The following SFRP4 variants were observed in gnomAD, a reference collection of about 807,000 sequenced individuals.
The protein encoded by SFRP4 is secreted frizzled-related protein 4.
SFRP4 carries 25 observed loss-of-function variants against 36.3 expected under a neutral mutation model. The ratio of observed to expected loss-of-function variants is 0.69; its 90% CI spans 0.50 to 0.96. The LOEUF is 0.96. Among genes scored for constraint, SFRP4 ranks in the 40% least tolerant of loss-of-function variants. The pLI is 0.00. For missense variants in SFRP4, 487 were observed against 459.6 expected (o/e 1.06, Z -0.54); for synonymous variants, 182 against 168.8 (o/e 1.08, Z -0.60).
chr7:37,912,069 A>G, intron 4 of SFRP4, 50 bp downstream of exon 4: 1 of 1,362,796 alleles, frequency 7.3e-7, no homozygotes, highest in East Asian at 2.3e-5. Context: ...ACTGAGATTG[A>G]GGTCTTCCTA....
Position 37,909,622 on chromosome 7 carries a change from A to T in SFRP4, c.850T>A (p.Ser284Thr). 6.4e-7 allele frequency: 1 copy of T among 1,560,458 alleles called. No homozygotes were observed. Among genetic ancestry groups the T allele is most frequent in the African/African-American group, 1.4e-5 (1 of 73,024 alleles). ...GCATTGTTCATGATACTTACTATGGATCTTTTACTAAGCTGATCTCTCCAT... is the reference window on the plus strand; with the variant it reads ...GCATTGTTCATGATACTTACTATGGTTCTTTTACTAAGCTGATCTCTCCAT... ...EKWRDQLSKR[S>T]IQWEERLQEQ... Residue 284 changes from serine (S) to threonine (T), a missense_variant, in exon 5 of 6, where the codon TCC (serine) becomes ACC (threonine). By Grantham distance (58) the Ser-to-Thr change is moderately conservative. Transcript: ENST00000436072.
In SFRP4 at chr7:37,905,979, T is replaced by G. The variant is rs1395645283; in HGVS notation, c.*1500A>C. 6.6e-6 allele frequency: 1 copy of G among 152,208 alleles called. No individual in the cohort carries two copies. Among genetic ancestry groups the G allele is most frequent in the Non-Finnish European group, 1.5e-5 (1 of 68,028 alleles). 9.4% of individuals were successfully genotyped at this position (152,208 alleles called of 1,614,324 possible). On this transcript the variant is annotated 3_prime_UTR_variant, in exon 6 of 6. Coordinates refer to ENST00000436072, the MANE Select transcript of SFRP4 (RefSeq NM_003014.4). ...CAGTATTGTCAGTGAAGAAACCACC[T>G]AAGTATCCAATAGCACAACAGTTTG...
At position 37,907,153 on chromosome 7, in the gene SFRP4, A is replaced by G; in HGVS notation, c.*326T>C. The G allele has an allele frequency of 5.1e-6, 1 of 195,822 alleles. No individual in the cohort carries two copies. Among genetic ancestry groups the G allele is most frequent in the Non-Finnish European group, 1.0e-5 (1 of 97,652 alleles). 12.1% of individuals were successfully genotyped at this position (195,822 alleles called of 1,614,324 possible). ...ATGGCATTTATTTTACAATGCACAT[A>G]TTAGGTCGAATTGTAACAAGCATTA... On this transcript the variant is annotated 3_prime_UTR_variant, in exon 6 of 6. Coordinates refer to ENST00000436072, the MANE Select transcript of SFRP4 (RefSeq NM_003014.4).
rs982856772 is a variant in SFRP4, at chr7:37,906,668, C to T, written c.*811G>A. 3.9e-5 allele frequency: 6 copies of T among 152,190 alleles called. No homozygotes were observed. Among genetic ancestry groups the T allele is most frequent in the Middle Eastern group, 3.4e-3 (1 of 294 alleles). The allele number at this position is 152,190 out of a possible 1,614,324, so 9.4% of individuals were successfully genotyped here. A position where few individuals can be genotyped will look rare whatever the true frequency, so the allele number is the denominator to read the frequency against. On this transcript the variant is annotated 3_prime_UTR_variant, in exon 6 of 6. Transcript: ENST00000436072. ...TGGGTATAAAATACTTGAGCATTAGCCAACTAATTAGTACCTAACTCCTAA... is the reference window on the plus strand; with the variant it reads ...TGGGTATAAAATACTTGAGCATTAGTCAACTAATTAGTACCTAACTCCTAA...
In SFRP4 at chr7:37,907,412, G is replaced by T; in HGVS notation, c.*67C>A. 1 of 1,421,014 alleles carries T rather than the reference G, an allele frequency of 7.0e-7. No homozygotes were observed. The allele number at this position is 1,421,014 out of a possible 1,614,324, so 88.0% of individuals were successfully genotyped here. On this transcript the variant is annotated 3_prime_UTR_variant, in exon 6 of 6. Transcript: ENST00000436072. ...AGGGGCACATGGCCTTACATAGGCTGTCCCAGGCAATGCCCAGCCTCATCC... is the reference window on the plus strand; with the variant it reads ...AGGGGCACATGGCCTTACATAGGCTTTCCCAGGCAATGCCCAGCCTCATCC...
In SFRP4 at chr7:37,906,479, C is replaced by T. The variant is rs1785398357; in HGVS notation, c.*1000G>A. On this transcript the variant is annotated 3_prime_UTR_variant, in exon 6 of 6. Transcript: ENST00000436072. ...TCAGAGGTGGAACCTCAACTTTCCT[C>T]TCTGTACATTTATATTTAACTCCTC... is the stretch of plus-strand genomic sequence containing the variant. 6.6e-6 allele frequency: 1 copy of T among 152,184 alleles called. No homozygotes were observed. Among genetic ancestry groups the T allele is most frequent in the African/African-American group, 2.4e-5 (1 of 41,436 alleles). The allele number at this position is 152,184 out of a possible 1,614,324, so 9.4% of individuals were successfully genotyped here. A position where few individuals can be genotyped will look rare whatever the true frequency, so the allele number is the denominator to read the frequency against.
Position 37,916,012 on chromosome 7 carries a change from A to C in SFRP4, c.445+81T>G, listed in dbSNP as rs1336643759. 11 of 1,531,512 alleles carry C rather than the reference A, an allele frequency of 7.2e-6. No homozygotes were observed. Among genetic ancestry groups the C allele is most frequent in the Non-Finnish European group, 9.7e-6 (11 of 1,139,230 alleles). 94.9% of individuals were successfully genotyped at this position (1,531,512 alleles called of 1,614,324 possible). ...AGCCTCAGACGCCCCTGGCAGCCTT[A>C]GGTGTGGCCGCCCAGTTCTCGATTG... On this transcript the variant is annotated intron_variant, in intron 1 of 5. Transcript: ENST00000436072. This position sits in a 1 kb window ranked among gnomAD's most constrained non-coding sequence, Gnocchi z 4.1.
rs768648647 is a variant in SFRP4 at position 37,909,611 on chromosome 7, A to G, written c.855+6T>C. 2 of 1,534,622 alleles carry G rather than the reference A, an allele frequency of 1.3e-6. No individual in the cohort carries two copies. The highest frequency in any genetic ancestry group is 1.8e-6 in the Non-Finnish European group (2 of 1,127,304). On this transcript the variant is annotated splice_donor_region_variant and intron_variant, in intron 5 of 5. Coordinates refer to ENST00000436072, the MANE Select transcript of SFRP4 (RefSeq NM_003014.4). The stretch of plus-strand genomic sequence containing the variant: ...CCATCTTCACAGCATTGTTCATGAT[A>G]CTTACTATGGATCTTTTACTAAGCT...
chr7:37,912,903 C>T (rs1245025440), intron 3 of SFRP4, among the ~76,000 whole-genome samples: 1 of 152,198 alleles, frequency 6.6e-6, no homozygotes, highest in Non-Finnish European at 1.5e-5. Flanking sequence ...GTTTTAAATG[C>T]TGGTTTCTGT....
intron 1 of SFRP4, among the ~76,000 whole-genome samples, chr7:37,915,489 A>G (rs1785559535): frequency 6.6e-6 from 1 of 152,236 alleles, no homozygotes; most frequent in Non-Finnish European, 1.5e-5. Context: ...TTAGAAAAGC[A>G]GTCAAATGAC....
At position 37,916,228 on chromosome 7, in the gene SFRP4, C is replaced by A; in HGVS notation, c.310G>T (p.Ala104Ser). Residue 104 changes from alanine to serine, a missense_variant, in exon 1 of 6, where the codon GCG becomes TCG. Coordinates refer to ENST00000436072, the MANE Select transcript of SFRP4 (RefSeq NM_003014.4). The surrounding 1 kb of genome is among the most constrained non-coding windows in gnomAD (Gnocchi z 4.1). Reference protein sequence around the residue: ...IKPCKSVCQRARDDCEPLMKM... With the variant: ...IKPCKSVCQRSRDDCEPLMKM... ...ATGAGGGGCTCGCAGTCGTCGCGCG[C>A]GCGTTGGCACACCGACTTGCACGGC... 3.7e-6 allele frequency: 6 copies of A among 1,614,194 alleles called. No individual in the cohort carries two copies. The highest frequency in any genetic ancestry group is 5.1e-6 in the Non-Finnish European group (6 of 1,180,026).
chr7:37,915,663 G>GAA lies in SFRP4; in HGVS notation c.445+428_445+429dup, dbSNP rs3837060. On this transcript the variant is annotated intron_variant, in intron 1 of 5. Transcript: ENST00000436072. ...AGCAATGACCGTTACTGCTTTTTCA[G>GAA]AAAAAAAAAAACTTTTTAAGAAGTA... Among the ~76,000 whole-genome samples the GAA allele has an allele frequency of 2.3e-3, 345 of 150,552 alleles. 1 individual carries two copies. Among genetic ancestry groups the GAA allele is most frequent in the East Asian group, 0.015 (77 of 5,138 alleles).
In SFRP4 at chr7:37,907,323, A is replaced by G. The variant is rs941617118; in HGVS notation, c.*156T>C. 5.4e-5 allele frequency: 33 copies of G among 611,046 alleles called. No individual in the cohort carries two copies. Among genetic ancestry groups the G allele is most frequent in the Non-Finnish European group, 8.4e-5 (30 of 355,564 alleles). The allele number at this position is 611,046 out of a possible 1,614,324, so 37.9% of individuals were successfully genotyped here. A position where few individuals can be genotyped will look rare whatever the true frequency, so the allele number is the denominator to read the frequency against. On this transcript the variant is annotated 3_prime_UTR_variant, in exon 6 of 6. Coordinates refer to ENST00000436072, the MANE Select transcript of SFRP4 (RefSeq NM_003014.4). ...ATGGCTTACAAAGAAAAACTGAAGC[A>G]TAGCCTTAAGAAAAATGCTGCAAGA...
In SFRP4 at chr7:37,907,555, G is replaced by A. The variant is rs756785202; in HGVS notation, c.965C>T (p.Ala322Val). The change falls in exon 6 of 6, where the codon GCT (alanine) becomes GTT (valine). Residue 322 changes from alanine (A) to valine (V), a missense_variant. By Grantham distance (64) the Ala-to-Val change is moderately conservative (BLOSUM62 0). Coordinates refer to ENST00000436072, the MANE Select transcript of SFRP4 (RefSeq NM_003014.4). ...CTTCTTGGGACTGGCTGGTTTGGGA[G>A]CAGGAGGCTTTCCCTTTGGTTTGGG... ...NPPKPKGKPP[A>V]PKPASPKKNI... is the part of the protein sequence containing the mutation. 1 of 1,613,660 alleles carries A rather than the reference G, an allele frequency of 6.2e-7. No individual in the cohort carries two copies. Among genetic ancestry groups the A allele is most frequent in the Admixed American group, 1.7e-5 (1 of 59,976 alleles).
At position 37,907,406 on chromosome 7, in the gene SFRP4, T is replaced by C. The variant is rs1006950097; in HGVS notation, c.*73A>G. 7.5e-7 allele frequency: 1 copy of C among 1,338,830 alleles called. No individual in the cohort carries two copies. Among genetic ancestry groups the C allele is most frequent in the Admixed American group, 2.0e-5 (1 of 51,258 alleles). 82.9% of individuals were successfully genotyped at this position (1,338,830 alleles called of 1,614,324 possible). ...AGGGCAAGGGGCACATGGCCTTACA[T>C]AGGCTGTCCCAGGCAATGCCCAGCC... On this transcript the variant is annotated 3_prime_UTR_variant, in exon 6 of 6. Coordinates refer to ENST00000436072, the MANE Select transcript of SFRP4 (RefSeq NM_003014.4).
At chr7:37,915,505 A>C (rs1785559724) in intron 1 of SFRP4, among the ~76,000 whole-genome samples, 1 of 152,240 alleles carries the variant, frequency 6.6e-6, no homozygotes, top group African/African-American at 2.4e-5. Context: ...ATGACCAAAG[A>C]AAAAAGAAGG....
At chr7:37,914,636 G>T (rs1386207967) in intron 1 of SFRP4, among the ~76,000 whole-genome samples, 183 bp from the exon 2 acceptor site, 1 of 152,222 alleles carries the variant, frequency 6.6e-6, no homozygotes, top group Non-Finnish European at 1.5e-5. Flanking sequence ...AAGCCAAGGA[G>T]GGCAGATCAC....
chr7:37,910,142 A>C (rs1675172760), intron 4 of SFRP4, among the ~76,000 whole-genome samples: 1 of 151,948 alleles, frequency 6.6e-6, no homozygotes. Context: ...AACTGAGTTA[A>C]AGGGTATGTA....
intron 4 of SFRP4, among the ~76,000 whole-genome samples, chr7:37,910,272 G>A (rs1437175852): frequency 6.6e-6 from 1 of 151,816 alleles, no homozygotes; most frequent in African/African-American, 2.4e-5. Context: ...TTTGGATTTA[G>A]AATTAAGGAG....
Sources: allele counts gnomAD v4.1 joint callset (sites outside exome capture counted in the v4.1 genomes callset), GRCh38; gene constraint gnomAD v4.1.1; non-coding constraint Gnocchi (gnomAD v3.1); transcripts MANE v1.5; gene names NCBI Gene and HGNC (gene_info 2026-07-23, HGNC 2026-07-21).